SEMA3A: variants seen among roughly 807,000 people sequenced by gnomAD.
SEMA3A encodes the protein semaphorin-3A.
Under a neutral mutation model 97.9 loss-of-function variants are expected in SEMA3A, and 29 were observed. The ratio of observed to expected loss-of-function variants is 0.30; its 90% CI spans 0.22 to 0.40. SEMA3A has a LOEUF of 0.40. SEMA3A is among the 10% of genes least tolerant of loss of function. SEMA3A has a pLI of 1.00. For missense variants in SEMA3A, 763 were observed against 951.3 expected, an observed-to-expected ratio of 0.80 and a Z score of 2.60; for synonymous variants, 321 against 323.7, an observed-to-expected ratio of 0.99 and a Z score of 0.09.
At chr7:84,142,378 T>C (rs896666267) in intron 1 of SEMA3A, among the ~76,000 whole-genome samples, 12 of 152,066 alleles carry the variant, frequency 7.9e-5, no homozygotes, top group African/African-American at 2.7e-4. Context: ...AGGCTAACTA[T>C]AGTTAAGGAA....
chr7:84,082,553 A>T (rs544284844), intron 4 of SEMA3A, among the ~76,000 whole-genome samples: 1 of 152,292 alleles, frequency 6.6e-6, no homozygotes, highest in Non-Finnish European at 1.5e-5. Flanking sequence ...ATTTTAAGTC[A>T]TCTTTATTTA....
chr7:84,474,963 T>C (rs1260222522), intron 1 of SEMA3A, among the ~76,000 whole-genome samples: 1 of 151,918 alleles, frequency 6.6e-6, no homozygotes, highest in Non-Finnish European at 1.5e-5. Flanking sequence ...TTTAAACGCC[T>C]AAGAAAAGAG....
intron 3 of SEMA3A, among the ~76,000 whole-genome samples, chr7:84,239,010 C>A (rs1053413214): frequency 6.6e-6 from 1 of 152,084 alleles, no homozygotes; most frequent in Admixed American, 6.6e-5. Context: ...AGCCACCATG[C>A]CCGGCCAAAA....
intron 2 of SEMA3A, among the ~76,000 whole-genome samples, chr7:84,132,298 C>T (rs1166725561): frequency 1.3e-5 from 2 of 151,998 alleles, no homozygotes; most frequent in Admixed American, 1.3e-4. Context: ...AATCATTTAC[C>T]TTGTAATTCA....
intron 3 of SEMA3A, among the ~76,000 whole-genome samples, chr7:84,293,857 C>A (rs1800807644): frequency 6.6e-6 from 1 of 152,038 alleles, no homozygotes; most frequent in Non-Finnish European, 1.5e-5. Flanking sequence ...CTTTTCCATA[C>A]CCTTCTTCAC....
chr7:84,393,782 G>A (rs1454076362), intron 1 of SEMA3A, among the ~76,000 whole-genome samples: 4 of 152,068 alleles, frequency 2.6e-5, no homozygotes, highest in Non-Finnish European at 2.9e-5. Flanking sequence ...TGGTAAAGAG[G>A]TGTGTATCTT....
intron 1 of SEMA3A, among the ~76,000 whole-genome samples, chr7:84,163,915 G>A (rs1797125936): frequency 1.3e-5 from 2 of 150,316 alleles, no homozygotes; most frequent in South Asian, 2.1e-4. Flanking sequence ...GATCAATCTC[G>A]GCTCACCGCA....
chr7:84,398,216 C>T (rs1326538762), intron 1 of SEMA3A, among the ~76,000 whole-genome samples: 2 of 152,174 alleles, frequency 1.3e-5, no homozygotes, highest in African/African-American at 4.8e-5. Context: ...AACTAATTTT[C>T]ATTCCACCTC....
intron 3 of SEMA3A, among the ~76,000 whole-genome samples, chr7:84,223,237 A>G (rs1335888696): frequency 6.6e-6 from 1 of 151,866 alleles, no homozygotes; most frequent in Non-Finnish European, 1.5e-5. Flanking sequence ...GGGTAAGAAG[A>G]AAAACCATCA....
At chr7:84,332,001 T>C (rs531485282) in intron 2 of SEMA3A, among the ~76,000 whole-genome samples, 1 of 152,238 alleles carries the variant, frequency 6.6e-6, no homozygotes, top group African/African-American at 2.4e-5. Flanking sequence ...AAAGTAAAAG[T>C]CCTGACTCCT....
intron 3 of SEMA3A, among the ~76,000 whole-genome samples, chr7:84,204,940 TCTTTTGTGG>T (rs1798451572): frequency 6.6e-6 from 1 of 152,190 alleles, no homozygotes; most frequent in African/African-American, 2.4e-5. Context: ...AGATCCTCCA[TCTTTTGTGG>T]CTTGCACAGA....
chr7:84,063,114 G>A (rs1043894794), intron 4 of SEMA3A, among the ~76,000 whole-genome samples: 1 of 151,964 alleles, frequency 6.6e-6, no homozygotes, highest in Non-Finnish European at 1.5e-5. Context: ...CCTGACCCCT[G>A]ACCCCTAAGC....
intron 1 of SEMA3A, among the ~76,000 whole-genome samples, chr7:84,401,195 C>A (rs562757149): frequency 6.6e-6 from 1 of 151,966 alleles, no homozygotes; most frequent in Non-Finnish European, 1.5e-5. Context: ...AATACAAAAA[C>A]CAGCAGCATT....
intron 1 of SEMA3A, among the ~76,000 whole-genome samples, chr7:84,427,622 C>G (rs913936242): frequency 5.5e-5 from 7 of 126,344 alleles, no homozygotes; most frequent in African/African-American, 1.6e-4. Context: ...TGCACTCCAG[C>G]CTGGGAGACA....
At position 84,060,515 on chromosome 7, in the gene SEMA3A, C is replaced by T. The variant is rs1269674046; in HGVS notation, c.497G>A (p.Arg166His). The T allele has an allele frequency of 5.6e-6, 9 of 1,594,604 alleles. No homozygotes were observed. The highest frequency in any genetic ancestry group is 1.8e-5 in the Admixed American group (1 of 55,942). ...CTTAGGGTCATATGGACTCTTCCCACGGCCGTTTTCAAAATGTGAGTTCTC... is the reference window on the plus strand; with the variant it reads ...CTTAGGGTCATATGGACTCTTCCCATGGCCGTTTTCAAAATGTGAGTTCTC... ...KLENSHFENG[R>H]GKSPYDPKLL... Residue 166 changes from arginine to histidine, a missense_variant, in exon 5 of 17, where the codon CGT becomes CAT. Coordinates refer to ENST00000265362, the MANE Select transcript of SEMA3A (RefSeq NM_006080.3).
At chr7:84,383,743 C>A (rs1000975391) in intron 1 of SEMA3A, among the ~76,000 whole-genome samples, 1 of 152,106 alleles carries the variant, frequency 6.6e-6, no homozygotes, top group Non-Finnish European at 1.5e-5. Context: ...TTATTCAATG[C>A]GTTTGTAGAA....
chr7:84,019,489 A>C (rs1323129921), intron 6 of SEMA3A, among the ~76,000 whole-genome samples: 1 of 151,422 alleles, frequency 6.6e-6, no homozygotes, highest in Non-Finnish European at 1.5e-5. Context: ...AAGGAGATAT[A>C]GTTCTTCCTT....
chr7:84,414,850 C>T (rs1017674942), intron 1 of SEMA3A, among the ~76,000 whole-genome samples: 4 of 151,770 alleles, frequency 2.6e-5, no homozygotes, highest in Admixed American at 6.6e-5. Flanking sequence ...AATAAATAAA[C>T]GAATCAGCAA....
chr7:84,230,300 C>A (rs1173253257), intron 3 of SEMA3A, among the ~76,000 whole-genome samples: 1 of 151,814 alleles, frequency 6.6e-6, no homozygotes, highest in African/African-American at 2.4e-5. Flanking sequence ...TTATATTTTA[C>A]CTCATTATCA....
Sources: gnomAD v4.1 joint callset for allele counts (sites outside exome capture counted in the v4.1 genomes callset) on GRCh38, gnomAD v4.1.1 for gene constraint, MANE v1.5 for transcripts, NCBI Gene and HGNC (gene_info 2026-07-23, HGNC 2026-07-21) for gene names.